FSTL4: variants seen among roughly 807,000 people sequenced by gnomAD.
FSTL4 encodes the protein follistatin-related protein 4.
FSTL4 carries 28 observed loss-of-function variants against 78.2 expected under a neutral mutation model. The observed-to-expected ratio is 0.36, with a 90% CI of 0.27 to 0.49. The LOEUF (loss-of-function observed/expected upper bound fraction) is 0.49. Ranked by LOEUF, FSTL4 falls within the 20% of genes least tolerant of loss-of-function variation. The probability of loss-of-function intolerance (pLI) is 0.98; values close to 1 mark genes in which losing one functional copy is unlikely to be tolerated. For missense variants in FSTL4, 922 were observed against 1,084.9 expected (o/e 0.85, Z 2.11); for synonymous variants, 422 against 440.5 (o/e 0.96, Z 0.53).
the FSTL4 span, among the ~76,000 whole-genome samples, chr5:133,619,034 C>G: frequency 6.6e-6 from 1 of 152,126 alleles, no homozygotes; most frequent in African/African-American, 2.4e-5. Flanking sequence ...AATGTCAGTT[C>G]CATTCAGGTG....
chr5:133,203,606 T>C (rs1285497513), intron 14 of FSTL4, among the ~76,000 whole-genome samples: 2 of 152,216 alleles, frequency 1.3e-5, no homozygotes, highest in East Asian at 3.8e-4. Context: ...TGATTACTTC[T>C]ATGGTAAGCT....
chr5:133,334,461 G>T (rs1754420414), intron 4 of FSTL4, among the ~76,000 whole-genome samples: 1 of 152,054 alleles, frequency 6.6e-6, no homozygotes, highest in South Asian at 2.1e-4. Context: ...TGCTTGGGTG[G>T]GTCACACTGG....
chr5:133,560,406 A>G (rs191099540), intron 3 of FSTL4, among the ~76,000 whole-genome samples: 4 of 152,224 alleles, frequency 2.6e-5, no homozygotes, highest in Middle Eastern at 3.4e-3. Context: ...GTCTCACTCT[A>G]TCTCCCAGGT....
chr5:133,679,967 G>A, the FSTL4 span, among the ~76,000 whole-genome samples: 1 of 152,152 alleles, frequency 6.6e-6, no homozygotes, highest in African/African-American at 2.4e-5. Context: ...TGCACATGTG[G>A]CCATGGATAA....
chr5:133,594,838 T>C (rs893360922), intron 2 of FSTL4, among the ~76,000 whole-genome samples: 12 of 152,240 alleles, frequency 7.9e-5, no homozygotes, highest in Non-Finnish European at 1.3e-4. Context: ...AAGCTTTAAA[T>C]GATAGCAGAG....
intron 3 of FSTL4, among the ~76,000 whole-genome samples, chr5:133,519,227 T>C (rs886290440): frequency 9.8e-5 from 15 of 152,336 alleles, no homozygotes; most frequent in East Asian, 3.9e-4. Flanking sequence ...GTTCTGACTG[T>C]TGTAAAAACA....
At chr5:133,576,967 T>G (rs1049131217) in intron 2 of FSTL4, among the ~76,000 whole-genome samples, 19 of 152,220 alleles carry the variant, frequency 1.2e-4, no homozygotes, top group Non-Finnish European at 2.5e-4. Context: ...ATTAAAATCT[T>G]CACTTGGACT....
the FSTL4 span, among the ~76,000 whole-genome samples, chr5:133,787,648 A>G: frequency 6.7e-6 from 1 of 150,038 alleles, no homozygotes; most frequent in South Asian, 2.1e-4. Flanking sequence ...GGAGTCCAAC[A>G]CTCAGAGCAA....
intron 2 of FSTL4, chr5:133,583,259 T>C: frequency 2.2e-6 from 1 of 455,870 alleles, no homozygotes; most frequent in South Asian, 1.5e-5. Context: ...ATGCTGGGAA[T>C]CTTACCTCCT....
intron 7 of FSTL4, among the ~76,000 whole-genome samples, chr5:133,246,126 T>G (rs1375726171): frequency 6.6e-6 from 1 of 152,212 alleles, no homozygotes; most frequent in African/African-American, 2.4e-5. Flanking sequence ...CCTTGGGTTT[T>G]GAAGGCCGAT....
chr5:133,437,049 G>T (rs2127000107), intron 3 of FSTL4, among the ~76,000 whole-genome samples: 1 of 152,334 alleles, frequency 6.6e-6, no homozygotes, highest in Non-Finnish European at 1.5e-5. Flanking sequence ...ATGGCTCAAA[G>T]ATCTATGGCT....
intron 2 of FSTL4, among the ~76,000 whole-genome samples, chr5:133,597,718 G>A (rs945207529): frequency 2.0e-5 from 3 of 152,120 alleles, no homozygotes; most frequent in African/African-American, 7.2e-5. Flanking sequence ...AACAAAGACA[G>A]TGACTTTCCC....
At chr5:133,450,894 G>T (rs151030121) in intron 3 of FSTL4, among the ~76,000 whole-genome samples, 1,562 of 152,240 alleles carry the variant, frequency 0.01, 18 homozygotes, top group Non-Finnish European at 0.017. Flanking sequence ...CTTAGTACAT[G>T]CTGGACAAGA....
chr5:133,807,952 G>A, the FSTL4 span, among the ~76,000 whole-genome samples: 51 of 152,154 alleles, frequency 3.4e-4, no homozygotes, highest in South Asian at 6.0e-3. Context: ...CCAGGCACTC[G>A]GACACTGCCT....
intron 3 of FSTL4, among the ~76,000 whole-genome samples, chr5:133,476,675 A>G (rs1257097558): frequency 6.6e-6 from 1 of 152,210 alleles, no homozygotes; most frequent in African/African-American, 2.4e-5. Context: ...ACATATGTCC[A>G]TTCTCTCAGG....
chr5:133,205,139 CTT>C (rs548145166), intron 14 of FSTL4, among the ~76,000 whole-genome samples: 15 of 152,228 alleles, frequency 9.9e-5, no homozygotes, highest in African/African-American at 3.4e-4. Context: ...GAGAAGTAGT[CTT>C]TATTATATTT....
the FSTL4 span, among the ~76,000 whole-genome samples, chr5:133,836,277 C>G: frequency 6.6e-6 from 1 of 152,064 alleles, no homozygotes; most frequent in Admixed American, 6.6e-5. Context: ...AGTATTTTCA[C>G]TATCTCATTT....
At chr5:133,690,185 T>C in the FSTL4 span, among the ~76,000 whole-genome samples, 2 of 152,158 alleles carry the variant, frequency 1.3e-5, no homozygotes, top group Non-Finnish European at 1.5e-5. Context: ...GGAACATGCC[T>C]ATCTCCTCTC....
chr5:133,293,081 C>A (rs1404836682), intron 6 of FSTL4, among the ~76,000 whole-genome samples: 2 of 152,230 alleles, frequency 1.3e-5, no homozygotes, highest in Non-Finnish European at 2.9e-5. Flanking sequence ...ACCGTCACAG[C>A]CACCTCCCGC....
Sources: allele counts gnomAD v4.1 joint callset (sites outside exome capture counted in the v4.1 genomes callset), GRCh38; gene constraint gnomAD v4.1.1; transcripts MANE v1.5; gene names NCBI Gene and HGNC (gene_info 2026-07-23, HGNC 2026-07-21).